Variants in B3GALT1 observed in about 807,000 individuals in gnomAD.
B3GALT1 encodes beta-1,3-galactosyltransferase 1.
A neutral mutation model predicts 23.2 loss-of-function variants in B3GALT1; 10 were observed. The observed-to-expected ratio is 0.43, with a 90% CI of 0.27 to 0.73. The LOEUF (loss-of-function observed/expected upper bound fraction) is 0.73. Ranked by LOEUF, B3GALT1 falls within the 30% of genes least tolerant of loss-of-function variation. The probability of loss-of-function intolerance (pLI) is 0.21; values close to 1 mark genes in which losing one functional copy is unlikely to be tolerated. For missense variants in B3GALT1, 299 were observed against 405.4 expected (o/e 0.74, Z 2.25); for synonymous variants, 156 against 141.5 (o/e 1.10, Z -0.73).
chr2:167,664,219 A>C (rs1225347017), intron 3 of B3GALT1, among the ~76,000 whole-genome samples: 3 of 150,856 alleles, frequency 2.0e-5, no homozygotes, highest in Non-Finnish European at 4.4e-5. Context: ...TAAATAGGGA[A>C]TCCTTTCCCC....
At chr2:167,575,455 A>G (rs1684364026) in intron 2 of B3GALT1, among the ~76,000 whole-genome samples, 1 of 151,804 alleles carries the variant, frequency 6.6e-6, no homozygotes, top group Non-Finnish European at 1.5e-5. Flanking sequence ...CATTCATAAT[A>G]ATGTTCATCA....
At chr2:167,658,953 C>A (rs190828799) in intron 3 of B3GALT1, among the ~76,000 whole-genome samples, 1 of 152,110 alleles carries the variant, frequency 6.6e-6, no homozygotes, top group Admixed American at 6.5e-5. Context: ...AAGGTGATTG[C>A]TAAGAAACAA....
chr2:167,595,461 T>C (rs1466225942), intron 2 of B3GALT1, among the ~76,000 whole-genome samples: 1 of 152,136 alleles, frequency 6.6e-6, no homozygotes, highest in Non-Finnish European at 1.5e-5. Flanking sequence ...TTGGATAAAA[T>C]TTTGAAATAT....
chr2:167,767,061 C>G (rs1687989851), intron 3 of B3GALT1, among the ~76,000 whole-genome samples: 1 of 152,052 alleles, frequency 6.6e-6, no homozygotes, highest in African/African-American at 2.4e-5. Flanking sequence ...GATCTTGATC[C>G]CATTTATTAA....
intron 3 of B3GALT1, among the ~76,000 whole-genome samples, chr2:167,724,557 C>G (rs755983913): frequency 7.9e-5 from 12 of 152,052 alleles, no homozygotes; most frequent in Non-Finnish European, 1.6e-4. Context: ...GAGCTTTTTA[C>G]TATATGGGTT....
At position 167,869,753 on chromosome 2, in the gene B3GALT1, G is replaced by A; in HGVS notation, c.714G>A (p.Gly238=). Residue 238 remains glycine, a synonymous_variant, in exon 5 of 5, where the codon GGG becomes GGA. Transcript: ENST00000392690. The surrounding 1 kb of genome is among the most constrained non-coding windows in gnomAD (Gnocchi z 6.4). The part of the protein sequence containing the change: ...PDSNYPPFCS[G]TGYIFSADVA... The stretch of plus-strand genomic sequence containing the variant: ...GTAACTACCCACCTTTCTGTTCGGG[G>A]ACTGGCTACATCTTTTCAGCCGATG... The A allele has an allele frequency of 6.2e-7, 1 of 1,614,154 alleles. No homozygotes were observed. The highest frequency in any genetic ancestry group is 8.5e-7 in the Non-Finnish European group (1 of 1,180,026).
At chr2:167,764,736 A>C (rs1687949120) in intron 3 of B3GALT1, among the ~76,000 whole-genome samples, 1 of 152,198 alleles carries the variant, frequency 6.6e-6, no homozygotes, top group East Asian at 1.9e-4. Flanking sequence ...ATGAATGCAA[A>C]TAAGGAAGGA....
At chr2:167,667,050 G>C (rs1197204635) in intron 3 of B3GALT1, among the ~76,000 whole-genome samples, 1 of 151,744 alleles carries the variant, frequency 6.6e-6, no homozygotes, top group Non-Finnish European at 1.5e-5. Flanking sequence ...TAGTCTCGAT[G>C]GTCTTTACAT....
chr2:167,296,900 A>C lies in B3GALT1; in HGVS notation c.-511+3566A>C, dbSNP rs545885172. On this transcript the variant is annotated intron_variant, in intron 1 of 4. Transcript: ENST00000392690. ...TATCTCCTACCAACCTGTTTATTCTAAGATCTAGATCTCATGGACCAATCT... is the reference window on the plus strand; with the variant it reads ...TATCTCCTACCAACCTGTTTATTCTCAGATCTAGATCTCATGGACCAATCT... Among the ~76,000 whole-genome samples, 20 of 152,266 alleles carry C rather than the reference A, an allele frequency of 1.3e-4. 1 individual carries two copies. The South Asian group carries it at 2.7e-3, about 21-fold the overall frequency.
intron 3 of B3GALT1, among the ~76,000 whole-genome samples, chr2:167,808,978 T>G (rs1180200157): frequency 1.3e-5 from 2 of 152,148 alleles, no homozygotes; most frequent in Non-Finnish European, 2.9e-5. Context: ...AGGCTTTGTT[T>G]GTTTCTTTTT....
intron 3 of B3GALT1, among the ~76,000 whole-genome samples, chr2:167,761,289 A>G (rs1687895441): frequency 1.3e-5 from 2 of 152,192 alleles, no homozygotes; most frequent in African/African-American, 2.4e-5. Flanking sequence ...TTTCCCTCAG[A>G]ACATTGCTGC....
intron 1 of B3GALT1, among the ~76,000 whole-genome samples, chr2:167,416,830 T>C (rs1275619595): frequency 2.0e-5 from 3 of 152,182 alleles, no homozygotes. Flanking sequence ...GCTTTAAGAT[T>C]TCATGTTTAT....
chr2:167,372,712 G>A (rs1249293787), intron 1 of B3GALT1, among the ~76,000 whole-genome samples: 5 of 151,846 alleles, frequency 3.3e-5, no homozygotes, highest in Admixed American at 1.3e-4. Flanking sequence ...AATGAAATTT[G>A]AAGAAATAAT....
intron 3 of B3GALT1, among the ~76,000 whole-genome samples, chr2:167,661,206 C>T (rs571263141): frequency 1.3e-4 from 20 of 152,190 alleles, no homozygotes; most frequent in African/African-American, 4.8e-4. Flanking sequence ...ACCCTCTTAT[C>T]CCTCAATTAC....
intron 3 of B3GALT1, among the ~76,000 whole-genome samples, chr2:167,813,838 G>A (rs992117123): frequency 4.6e-5 from 7 of 152,132 alleles, no homozygotes; most frequent in Non-Finnish European, 1.5e-5. Flanking sequence ...TACAGCAATT[G>A]GATATTGAGT....
intron 2 of B3GALT1, among the ~76,000 whole-genome samples, chr2:167,509,344 T>C (rs1699969232): frequency 6.6e-6 from 1 of 152,166 alleles, no homozygotes; most frequent in Non-Finnish European, 1.5e-5. Context: ...CTTTGTAGAA[T>C]CTGGAAACAA....
At chr2:167,634,362 A>C (rs188635208) in intron 2 of B3GALT1, among the ~76,000 whole-genome samples, 1 of 152,272 alleles carries the variant, frequency 6.6e-6, no homozygotes, top group Admixed American at 6.5e-5. Context: ...ACCAGAACTG[A>C]AGGAGATAGA....
At chr2:167,399,838 T>TA (rs1698159085) in intron 1 of B3GALT1, among the ~76,000 whole-genome samples, 1 of 152,108 alleles carries the variant, frequency 6.6e-6, no homozygotes, top group South Asian at 2.1e-4. Flanking sequence ...GTCTTGTTTT[T>TA]ACCCTCATTT....
chr2:167,365,585 T>TACATAC (rs368306361), intron 1 of B3GALT1, among the ~76,000 whole-genome samples: 13 of 140,474 alleles, frequency 9.3e-5, no homozygotes, highest in Middle Eastern at 7.1e-3. Context: ...GAGATACAAA[T>TACATAC]ACACACACAC....
Sources: gnomAD v4.1 joint callset for allele counts (sites outside exome capture counted in the v4.1 genomes callset) on GRCh38, gnomAD v4.1.1 for gene constraint, Gnocchi (gnomAD v3.1) non-coding constraint, MANE v1.5 for transcripts, NCBI Gene and HGNC (gene_info 2026-07-23, HGNC 2026-07-21) for gene names.